Variants in PCDHA3 observed in about 807,000 individuals in gnomAD.
PCDHA3 encodes protocadherin alpha-3.
In PCDHA3, 41 loss-of-function variants were observed where a neutral mutation model predicts 62.2. The observed-to-expected ratio is 0.66, with a 90% CI of 0.51 to 0.86. The LOEUF is 0.86. Among genes scored for constraint, PCDHA3 ranks in the 40% least tolerant of loss-of-function variants. The probability of loss-of-function intolerance (pLI) is 0.00; values close to 1 mark genes in which losing one functional copy is unlikely to be tolerated. For missense variants in PCDHA3, 1,304 were observed against 1,241.2 expected, an observed-to-expected ratio of 1.05 and a Z score of -0.76; for synonymous variants, 640 against 555.4, an observed-to-expected ratio of 1.15 and a Z score of -2.14.
chr5:140,843,275 A>ACC, intron 1 of PCDHA3: 1 of 1,595,960 alleles, frequency 6.3e-7, no homozygotes, highest in East Asian at 2.2e-5. Flanking sequence ...GGTCCTGGTG[A>ACC]AGGATCATGG....
At chr5:140,818,301 A>G (rs1251106961) in intron 1 of PCDHA3, among the ~76,000 whole-genome samples, 1 of 152,124 alleles carries the variant, frequency 6.6e-6, no homozygotes, top group Non-Finnish European at 1.5e-5. Flanking sequence ...ATTCTGACCC[A>G]TCTTTTACTT....
At chr5:140,962,169 C>T (rs2095662298) in intron 1 of PCDHA3, among the ~76,000 whole-genome samples, 1 of 152,152 alleles carries the variant, frequency 6.6e-6, no homozygotes, top group Non-Finnish European at 1.5e-5. Flanking sequence ...GCCACCACAC[C>T]CGGCCACTTA....
intron 1 of PCDHA3, among the ~76,000 whole-genome samples, chr5:140,874,511 C>G (rs1376439369): frequency 4.6e-5 from 7 of 152,212 alleles, no homozygotes; most frequent in Admixed American, 3.9e-4. Flanking sequence ...ATTCTCTTGA[C>G]TTTAGTCAAT....
intron 1 of PCDHA3, chr5:140,824,336 G>A (rs1288590631): frequency 3.2e-6 from 2 of 628,210 alleles, no homozygotes; most frequent in African/African-American, 1.9e-5. Flanking sequence ...GATATTAAGT[G>A]TTTTTAAAAT....
At chr5:140,823,022 G>C (rs2150121386) in intron 1 of PCDHA3, 1 of 1,614,234 alleles carries the variant, frequency 6.2e-7, no homozygotes, top group Non-Finnish European at 8.5e-7. Flanking sequence ...GACCGCGAGA[G>C]CGTGTCGGTC....
At chr5:140,877,605 G>A (rs1554169915) in intron 1 of PCDHA3, 1 of 1,613,856 alleles carries the variant, frequency 6.2e-7, no homozygotes, top group Non-Finnish European at 8.5e-7. Context: ...CCAGCCTGCT[G>A]GTGCTCACGC....
intron 1 of PCDHA3, chr5:140,855,742 T>C (rs1239874184): frequency 3.2e-6 from 1 of 313,712 alleles, no homozygotes; most frequent in Admixed American, 4.7e-5. Flanking sequence ...AGAGACGTAA[T>C]GTGAGGCTTT....
intron 1 of PCDHA3, chr5:140,859,976 T>C (rs2046117770): frequency 6.6e-6 from 1 of 151,980 alleles, no homozygotes; most frequent in African/African-American, 2.4e-5. Context: ...GGTATACAAG[T>C]GCATTAATCT....
chr5:140,867,027 C>G (rs1043288554), intron 1 of PCDHA3: 1 of 152,102 alleles, frequency 6.6e-6, no homozygotes, highest in Non-Finnish European at 1.5e-5. Flanking sequence ...ATATCAAACT[C>G]TTTTATGACT....
intron 1 of PCDHA3, chr5:140,806,982 A>T: frequency 3.1e-6 from 2 of 639,582 alleles, no homozygotes; most frequent in Non-Finnish European, 5.3e-6. Context: ...TACGGTTTGG[A>T]GCCACATGAT....
chr5:140,867,125 A>G (rs781885950), intron 1 of PCDHA3: 1 of 152,144 alleles, frequency 6.6e-6, no homozygotes, highest in Non-Finnish European at 1.5e-5. Flanking sequence ...TTTTAATTCA[A>G]ATATGTGATA....
Position 140,809,789 on chromosome 5 carries a change from A to G in PCDHA3, c.2394+6198A>G, listed in dbSNP as rs1764544475. 8.5e-6 allele frequency: 4 copies of G among 470,038 alleles called. No individual in the cohort carries two copies. The East Asian group carries it at 1.4e-4, about 17-fold the overall frequency. 29.1% of individuals were successfully genotyped at this position (470,038 alleles called of 1,614,324 possible). On this transcript the variant is annotated intron_variant, in intron 1 of 3. Coordinates refer to ENST00000522353, the MANE Select transcript of PCDHA3 (RefSeq NM_018906.3). The stretch of plus-strand genomic sequence containing the variant: ...GCATTATTCAATGCATATTAACAGA[A>G]CTGTAATTTCTAGTAAATTTTCACT...
chr5:141,000,615 A>G (rs2097951954), intron 3 of PCDHA3, among the ~76,000 whole-genome samples: 1 of 150,870 alleles, frequency 6.6e-6, no homozygotes, highest in South Asian at 2.1e-4. Context: ...TTTAGTAGAG[A>G]CAGGGTTTCA....
At chr5:140,998,389 C>T (rs1386157244) in intron 3 of PCDHA3, among the ~76,000 whole-genome samples, 3 of 152,128 alleles carry the variant, frequency 2.0e-5, no homozygotes, top group Non-Finnish European at 4.4e-5. Flanking sequence ...AAGTTTAATG[C>T]CATCTTTATG....
At chr5:140,897,120 C>G (rs116233032) in intron 1 of PCDHA3, among the ~76,000 whole-genome samples, 4 of 152,134 alleles carry the variant, frequency 2.6e-5, no homozygotes, top group African/African-American at 9.7e-5. Context: ...TCTGTCCACA[C>G]CCCACTAAAC....
intron 1 of PCDHA3, chr5:140,809,743 T>C (rs1764534242): frequency 1.5e-6 from 1 of 678,722 alleles, no homozygotes; most frequent in Non-Finnish European, 2.4e-6. Flanking sequence ...CAATATATAT[T>C]GCCTTCCTTC....
chr5:140,928,308 C>A, intron 1 of PCDHA3: 1 of 1,614,126 alleles, frequency 6.2e-7, no homozygotes, highest in Non-Finnish European at 8.5e-7. Flanking sequence ...CCCAGGACCC[C>A]GACCTGGGGA....
At chr5:140,876,278 C>A (rs1554168451) in intron 1 of PCDHA3, 1 of 1,614,030 alleles carries the variant, frequency 6.2e-7, no homozygotes, top group South Asian at 1.1e-5. Flanking sequence ...GCTTCCGATC[C>A]AGACGAAGGA....
intron 1 of PCDHA3, among the ~76,000 whole-genome samples, chr5:140,935,636 G>A (rs1554210607): frequency 6.6e-6 from 1 of 152,052 alleles, no homozygotes; most frequent in African/African-American, 2.4e-5. Context: ...TTTAGGGCTT[G>A]CTTTTTAAAT....
Sources: allele counts gnomAD v4.1 joint callset (sites outside exome capture counted in the v4.1 genomes callset), GRCh38; gene constraint gnomAD v4.1.1; transcripts MANE v1.5; gene names NCBI Gene and HGNC (gene_info 2026-07-23, HGNC 2026-07-21).